SULF1: variants seen among roughly 807,000 people sequenced by gnomAD.
SULF1 encodes the protein extracellular sulfatase Sulf-1.
A neutral mutation model predicts 110.5 loss-of-function variants in SULF1; 46 were observed. The ratio of observed to expected loss-of-function variants is 0.42; its 90% CI spans 0.33 to 0.53. The LOEUF (loss-of-function observed/expected upper bound fraction) is 0.53. Ranked by LOEUF, SULF1 falls within the 20% of genes least tolerant of loss-of-function variation. The probability of loss-of-function intolerance (pLI) is 0.12; values close to 1 mark genes in which losing one functional copy is unlikely to be tolerated. For missense variants in SULF1, 941 were observed against 1,094.2 expected (o/e 0.86, Z 1.98); for synonymous variants, 371 against 387.1 (o/e 0.96, Z 0.49).
At chr8:69,585,795 T>C (rs904757192) in intron 6 of SULF1, among the ~76,000 whole-genome samples, 1 of 152,204 alleles carries the variant, frequency 6.6e-6, no homozygotes, top group Non-Finnish European at 1.5e-5. Flanking sequence ...ATACTATACA[T>C]GTGATATAAA....
At chr8:69,467,956 G>A (rs1233913708) in intron 1 of SULF1, among the ~76,000 whole-genome samples, 1 of 151,500 alleles carries the variant, frequency 6.6e-6, no homozygotes, top group African/African-American at 2.4e-5. Flanking sequence ...AATATAAGAA[G>A]GGGGTTTATA....
Position 69,586,445 on chromosome 8 carries a change from C to A in SULF1, c.501C>A (p.Arg167=), listed in dbSNP as rs940118031. 1.2e-6 allele frequency: 2 copies of A among 1,612,168 alleles called. No homozygotes were observed. The highest frequency in any genetic ancestry group is 1.7e-6 in the Non-Finnish European group (2 of 1,179,498). ...REWLGLIKNS[R]FYNYTVCRNG... ...GGCTTGGATTAATCAAGAATTCTCG[C>A]TTCTATAATTACACTGTTTGTCGCA... Residue 167 remains arginine, a synonymous_variant, in exon 7 of 23, where the codon CGC becomes CGA. Coordinates refer to ENST00000402687, the MANE Select transcript of SULF1 (RefSeq NM_001128205.2).
At chr8:69,510,875 C>G (rs1311106145) in intron 3 of SULF1, among the ~76,000 whole-genome samples, 1 of 151,182 alleles carries the variant, frequency 6.6e-6, no homozygotes, top group African/African-American at 2.4e-5. Flanking sequence ...CCTCAGACTC[C>G]CAAAGTGCTG....
intron 1 of SULF1, among the ~76,000 whole-genome samples, chr8:69,484,194 T>G (rs1809609654): frequency 6.6e-6 from 1 of 152,328 alleles, no homozygotes; most frequent in African/African-American, 2.4e-5. Context: ...TCATATTTAG[T>G]AATTTTTAAA....
At chr8:69,640,208 A>G (rs1189264272) in intron 21 of SULF1, among the ~76,000 whole-genome samples, 1 of 151,964 alleles carries the variant, frequency 6.6e-6, no homozygotes, top group Non-Finnish European at 1.5e-5. Flanking sequence ...GAGAGAGAGA[A>G]AGAGCCTGCA....
At chr8:69,503,861 A>G (rs1810980826) in intron 3 of SULF1, among the ~76,000 whole-genome samples, 2 of 151,740 alleles carry the variant, frequency 1.3e-5, no homozygotes. Context: ...ATGCAGTGGC[A>G]CGATCTTAGC....
rs555650027 is a variant in SULF1, at chr8:69,603,715, CTGAG to C, written c.1247+61_1247+64del. On this transcript the variant is annotated intron_variant, in intron 12 of 22. Transcript: ENST00000402687. ...CAGTCCTAGTGGGCAGCTTTCCCTG[CTGAG>C]TATTTTTTTTCTCCTTATTTTTGTT... 2,581 of 1,165,204 alleles carry C rather than the reference CTGAG, an allele frequency of 2.2e-3. 3 individuals carry two copies. The highest frequency in any genetic ancestry group is 2.7e-3 in the Non-Finnish European group (2,101 of 774,364). The allele number at this position is 1,165,204 out of a possible 1,614,324, so 72.2% of individuals were successfully genotyped here. A position where few individuals can be genotyped will look rare whatever the true frequency, so the allele number is the denominator to read the frequency against.
chr8:69,572,412 G>T (rs1327272130), intron 5 of SULF1, among the ~76,000 whole-genome samples: 2 of 152,266 alleles, frequency 1.3e-5, no homozygotes, highest in South Asian at 2.1e-4. Context: ...TTATTGTCTG[G>T]ATCAAATTAA....
chr8:69,473,217 A>ATTTTTG (rs1430794265), intron 1 of SULF1: 1 of 151,950 alleles, frequency 6.6e-6, no homozygotes, highest in Non-Finnish European at 1.5e-5. Context: ...TTGCTGTTTT[A>ATTTTTG]TTTTTGTTTT....
intron 3 of SULF1, among the ~76,000 whole-genome samples, chr8:69,509,535 G>A (rs1811417435): frequency 6.6e-6 from 1 of 152,110 alleles, no homozygotes; most frequent in Admixed American, 6.5e-5. Flanking sequence ...ATCATCTTTA[G>A]GATTAGAAAA....
intron 22 of SULF1, among the ~76,000 whole-genome samples, chr8:69,652,799 T>C (rs1360745901): frequency 1.3e-5 from 2 of 152,250 alleles, no homozygotes; most frequent in African/African-American, 4.8e-5. Context: ...TGGCTGCTTC[T>C]GTACTTCACT....
At chr8:69,647,650 G>A (rs1390024592) in intron 22 of SULF1, among the ~76,000 whole-genome samples, 2 of 151,746 alleles carry the variant, frequency 1.3e-5, no homozygotes, top group African/African-American at 2.4e-5. Flanking sequence ...ACCTGTAATC[G>A]CAGCACTTTG....
At chr8:69,558,292 A>G (rs926012420) in intron 3 of SULF1, among the ~76,000 whole-genome samples, 9 of 152,180 alleles carry the variant, frequency 5.9e-5, no homozygotes, top group Non-Finnish European at 1.0e-4. Context: ...GCCTCTGACA[A>G]TAATCTAAGC....
intron 6 of SULF1, among the ~76,000 whole-genome samples, chr8:69,578,799 T>C (rs898575459): frequency 3.3e-5 from 5 of 152,106 alleles, no homozygotes; most frequent in Non-Finnish European, 5.9e-5. Context: ...ATACAATTTA[T>C]AGTGAGTCAA....
At chr8:69,491,687 C>G (rs1788432895), upstream of SULF1, among the ~76,000 whole-genome samples, 1 of 152,360 alleles carries the variant, frequency 6.6e-6, no homozygotes, top group African/African-American at 2.4e-5. Context: ...TGTGGTGGCT[C>G]TCACCTATGC....
chr8:69,639,502 C>G (rs920471877), intron 21 of SULF1, among the ~76,000 whole-genome samples: 1 of 152,134 alleles, frequency 6.6e-6, no homozygotes, highest in Non-Finnish European at 1.5e-5. Context: ...TTTCAGTGTC[C>G]GCCCCAGCTC....
chr8:69,572,990 C>T (rs901265970), intron 5 of SULF1, among the ~76,000 whole-genome samples: 1 of 152,110 alleles, frequency 6.6e-6, no homozygotes, highest in African/African-American at 2.4e-5. Flanking sequence ...ATCATGCTGG[C>T]TAAGTTTTGT....
rs577547759 is a variant in SULF1, at chr8:69,592,130, G to A, written c.734+2989G>A. On this transcript the variant is annotated intron_variant, in intron 8 of 22. Coordinates refer to ENST00000402687, the MANE Select transcript of SULF1 (RefSeq NM_001128205.2). ...GCTTCAAAGTGGGCCTCAAAAGATG[G>A]GTAAAATTTCTGCAGATAATTGTTT... Among the ~76,000 whole-genome samples the A allele has an allele frequency of 1.8e-4, 27 of 152,210 alleles. No homozygotes were observed. The South Asian group carries it at 2.5e-3, about 14-fold the overall frequency.
At position 69,638,599 on chromosome 8, in the gene SULF1, T is replaced by C; in HGVS notation, c.2382T>C (p.Ala794=). 1 of 1,614,128 alleles carries C rather than the reference T, an allele frequency of 6.2e-7. No homozygotes were observed. Among genetic ancestry groups the C allele is most frequent in the South Asian group, 1.1e-5 (1 of 91,062 alleles). The change falls in exon 20 of 23, where the codon GCT becomes GCC. Residue 794 remains alanine, a synonymous_variant. Coordinates refer to ENST00000402687, the MANE Select transcript of SULF1 (RefSeq NM_001128205.2). ...ETHNFLFCEF[A]TGFLEYFDMN... is the part of the protein sequence containing the mutation. ...ATAATTTTCTTTTCTGTGAGTTTGC[T>C]ACTGGCTTTTTGGAGTATTTTGATA... is the stretch of plus-strand genomic sequence containing the variant.
Sources: gnomAD v4.1 joint callset for allele counts (sites outside exome capture counted in the v4.1 genomes callset) on GRCh38, gnomAD v4.1.1 for gene constraint, MANE v1.5 for transcripts, NCBI Gene and HGNC (gene_info 2026-07-23, HGNC 2026-07-21) for gene names.